Variants in PHKA1 observed in about 807,000 individuals in gnomAD.
PHKA1 encodes the protein phosphorylase b kinase regulatory subunit alpha, skeletal muscle isoform.
A neutral mutation model predicts 110.2 loss-of-function variants in PHKA1; 60 were observed. That is an observed-to-expected ratio of 0.54 (90% CI 0.44 to 0.68). PHKA1 has a LOEUF of 0.68. Among genes scored for constraint, PHKA1 ranks in the 30% least tolerant of loss-of-function variants. The pLI is 0.00. For synonymous variants in PHKA1, 316 were observed against 333.6 expected (o/e 0.95, Z 0.58); for missense variants, 801 against 942.5 (o/e 0.85, Z 1.97).
chrX:72,650,165 G>A (rs1417746803), intron 13 of PHKA1, among the ~76,000 whole-genome samples: 1 of 111,593 alleles, frequency 9.0e-6, no homozygotes, highest in Non-Finnish European at 1.9e-5. Context: ...GGTTAAGGGT[G>A]TCAAATAATA....
chrX:72,699,507 CA>C (rs1171276586), intron 3 of PHKA1, among the ~76,000 whole-genome samples: 1,253 of 16,901 alleles, frequency 0.074, 6 homozygotes, highest in African/African-American at 0.21. Flanking sequence ...GACTCCATCT[CA>C]AAAAAAAAAA....
chrX:72,595,016 T>C (rs2052570996), intron 28 of PHKA1, among the ~76,000 whole-genome samples: 1 of 111,747 alleles, frequency 8.9e-6, no homozygotes, highest in Non-Finnish European at 1.9e-5. Flanking sequence ...TCCAATATCC[T>C]TTATGAATAT....
intron 10 of PHKA1, among the ~76,000 whole-genome samples, chrX:72,654,423 C>T (rs1330771340): frequency 9.0e-6 from 1 of 111,700 alleles, no homozygotes; most frequent in Admixed American, 9.5e-5. Flanking sequence ...CCTCTTTCCT[C>T]TCAGCCTTTT....
chrX:72,688,573 T>C (rs181924352), intron 4 of PHKA1, among the ~76,000 whole-genome samples: 21 of 112,356 alleles, frequency 1.9e-4, no homozygotes, highest in Non-Finnish European at 2.6e-4. Context: ...CCTTCTTCTC[T>C]CCAGATCTTG....
chrX:72,683,313 C>G (rs2053932042), intron 5 of PHKA1, among the ~76,000 whole-genome samples: 1 of 111,600 alleles, frequency 9.0e-6, no homozygotes, highest in African/African-American at 3.3e-5. Context: ...TGGCGTATAC[C>G]TTTAGTCACA....
At chrX:72,666,090 A>G in intron 8 of PHKA1, 61 bp downstream of exon 8, 1 of 1,134,452 alleles carries the variant, frequency 8.8e-7, no homozygotes, top group Admixed American at 2.2e-5. Flanking sequence ...AAGGCCCCCA[A>G]AGGCACAATT....
At chrX:72,595,307 G>T (rs1402711496) in intron 28 of PHKA1, among the ~76,000 whole-genome samples, 3 of 111,358 alleles carry the variant, frequency 2.7e-5, no homozygotes, top group African/African-American at 9.8e-5. Flanking sequence ...TAAAAGTTTA[G>T]ATTTTTTTCC....
At chrX:72,653,773 C>T (rs2053457483) in intron 10 of PHKA1, among the ~76,000 whole-genome samples, 1 of 111,714 alleles carries the variant, frequency 9.0e-6, no homozygotes, top group Non-Finnish European at 1.9e-5. Flanking sequence ...GGCCTTTTTA[C>T]AGGGAAATTA....
At chrX:72,655,247 AAAAC>A (rs1383718598) in intron 10 of PHKA1, among the ~76,000 whole-genome samples, 2 of 111,795 alleles carry the variant, frequency 1.8e-5, no homozygotes, top group Non-Finnish European at 3.8e-5. Context: ...GTCTCTACAA[AAAAC>A]AAACAAACAA....
chrX:72,593,155 C>T lies in PHKA1; in HGVS notation c.3192G>A (p.Leu1064=). The T allele has an allele frequency of 1.7e-6, 2 of 1,201,011 alleles. No individual in the cohort carries two copies. Among genetic ancestry groups the T allele is most frequent in the Non-Finnish European group, 2.3e-6 (2 of 885,529 alleles). The change falls in exon 29 of 32, where the codon CTG becomes CTA. Residue 1064 remains leucine, a synonymous_variant. Coordinates refer to ENST00000373542, the MANE Select transcript of PHKA1 (RefSeq NM_002637.4). The stretch of plus-strand genomic sequence containing the variant: ...GATAAAATCCAACTGGAACTCTATT[C>T]AGTGCCCCATCCAGCCTTCTTCGGC... The part of the protein sequence containing the change: ...WQRRRRLDGA[L]NRVPVGFYQK...
At chrX:72,681,427 C>G (rs1475202040) in intron 5 of PHKA1, among the ~76,000 whole-genome samples, 9 of 109,131 alleles carry the variant, frequency 8.2e-5, no homozygotes, top group Non-Finnish European at 1.3e-4. Context: ...GGCCAGCCGC[C>G]CCATCCGGGA....
Position 72,620,785 on chromosome X carries a change from C to T in PHKA1, c.2077G>A (p.Val693Met). The T allele has an allele frequency of 8.3e-7, 1 of 1,210,665 alleles. No homozygotes were observed. The highest frequency in any genetic ancestry group is 1.1e-6 in the Non-Finnish European group (1 of 895,183). Residue 693 changes from valine to methionine, a missense_variant, in exon 19 of 32, where the codon GTG becomes ATG. Physicochemically the swap from Val to Met is conservative, Grantham distance 21. Transcript: ENST00000373542. ...KGGLDRFQAA[V>M]QTTCDLMSLV... ...GACATTAAGTCGCAGGTTGTTTGCA[C>T]AGCAGCTTGGAACCGATCTAGCCCT... is the stretch of plus-strand genomic sequence containing the variant.
At chrX:72,587,696 T>C (rs2052453570) in intron 29 of PHKA1, among the ~76,000 whole-genome samples, 1 of 111,236 alleles carries the variant, frequency 9.0e-6, no homozygotes, top group Admixed American at 9.6e-5. Context: ...CCATCTCTTG[T>C]GCAGAGACAC....
At chrX:72,652,862 C>G (rs2053446823) in intron 11 of PHKA1, among the ~76,000 whole-genome samples, 1 of 111,401 alleles carries the variant, frequency 9.0e-6, no homozygotes, top group African/African-American at 3.3e-5. Context: ...AATGCAGATT[C>G]TGATTGAGTG....
chrX:72,616,626 G>C lies in PHKA1; in HGVS notation c.2369+2084C>G, dbSNP rs782348220. On this transcript the variant is annotated intron_variant, in intron 21 of 31. Transcript: ENST00000373542. ...ACAGAAAATCAACAAACAAACATTG[G>C]ATTTAAACTGCACACTAGACCAAAT... Among the ~76,000 whole-genome samples, 14 of 111,365 alleles carry C rather than the reference G, an allele frequency of 1.3e-4. No homozygotes were observed. In the South Asian group the frequency reaches 5.3e-3, roughly 42 times the overall value.
chrX:72,650,249 G>A (rs1316223722), intron 13 of PHKA1, 141 bp downstream of exon 13: 4 of 506,538 alleles, frequency 7.9e-6, no homozygotes, highest in South Asian at 6.0e-5. Flanking sequence ...AAACCAAACC[G>A]AACAAAGTTC....
intron 8 of PHKA1, among the ~76,000 whole-genome samples, chrX:72,663,080 A>G (rs535044072): frequency 9.0e-6 from 1 of 111,360 alleles, no homozygotes; most frequent in Non-Finnish European, 1.9e-5. Context: ...AAATGTTATA[A>G]AAGAAACTCA....
chrX:72,686,106 G>A (rs1401252839), intron 4 of PHKA1, among the ~76,000 whole-genome samples: 2 of 112,170 alleles, frequency 1.8e-5, no homozygotes, highest in African/African-American at 3.2e-5. Flanking sequence ...ATTGTCAAAT[G>A]TTTCTTAATG....
chrX:72,673,331 AT>A (rs1190227057), intron 6 of PHKA1, among the ~76,000 whole-genome samples: 1 of 112,212 alleles, frequency 8.9e-6, no homozygotes, highest in Non-Finnish European at 1.9e-5. Flanking sequence ...GTTTTGTTTA[AT>A]CAGAGAAAAA....
Sources: gnomAD v4.1 joint callset for allele counts (sites outside exome capture counted in the v4.1 genomes callset) on GRCh38, gnomAD v4.1.1 for gene constraint, MANE v1.5 for transcripts, NCBI Gene and HGNC (gene_info 2026-07-23, HGNC 2026-07-21) for gene names.